RHOU: variants seen among roughly 807,000 people sequenced by gnomAD.
RHOU encodes rho-related GTP-binding protein RhoU.
In RHOU, 8 loss-of-function variants were observed where a neutral mutation model predicts 12.6. The ratio of observed to expected loss-of-function variants is 0.64; its 90% CI spans 0.37 to 1.15. The LOEUF is 1.15. Among genes scored for constraint, RHOU ranks in the 50% most tolerant of loss-of-function variants. RHOU has a pLI of 0.01. For missense variants in RHOU, 258 were observed against 347.0 expected, an observed-to-expected ratio of 0.74 and a Z score of 2.04; for synonymous variants, 161 against 147.4, an observed-to-expected ratio of 1.09 and a Z score of -0.67.
At chr1:228,709,802 C>T in the RHOU span, among the ~76,000 whole-genome samples, 1 of 151,938 alleles carries the variant, frequency 6.6e-6, no homozygotes, top group South Asian at 2.1e-4. Flanking sequence ...CAAGAAATAA[C>T]TAAGATCAGA....
At position 228,737,656 on chromosome 1, in the gene RHOU, T is replaced by C; in HGVS notation, c.263-17T>C. 6.2e-7 allele frequency: 1 copy of C among 1,613,826 alleles called. No homozygotes were observed. Among genetic ancestry groups the C allele is most frequent in the Non-Finnish European group, 8.5e-7 (1 of 1,179,724 alleles). On this transcript the variant is annotated splice_polypyrimidine_tract_variant and intron_variant, in intron 1 of 2. Coordinates refer to ENST00000366691, the MANE Select transcript of RHOU (RefSeq NM_021205.6). This position sits in a 1 kb window ranked among gnomAD's most constrained non-coding sequence, Gnocchi z 4.1. ...TAAAAGACACCTCCTGATTGTCATT[T>C]TGGTTTTGTTTTTAAGCGGTGGTGT...
the RHOU span, among the ~76,000 whole-genome samples, chr1:228,662,891 G>A: frequency 6.6e-6 from 1 of 151,806 alleles, no homozygotes; most frequent in African/African-American, 2.4e-5. Context: ...CACCCTCAAG[G>A]GTCTAAAGAA....
chr1:228,699,884 C>A, the RHOU span, among the ~76,000 whole-genome samples: 1 of 152,142 alleles, frequency 6.6e-6, no homozygotes, highest in Non-Finnish European at 1.5e-5. Flanking sequence ...TGAAATCTCT[C>A]TATAAATCTT....
At chr1:228,650,004 A>G in the RHOU span, 2 of 339,540 alleles carry the variant, frequency 5.9e-6, no homozygotes, top group Non-Finnish European at 1.1e-5. Context: ...ATTTTTAACC[A>G]TAATTATTCT....
the RHOU span, among the ~76,000 whole-genome samples, chr1:228,663,964 CCCCTCCCCTCCCCTT>C: frequency 8.2e-5 from 8 of 98,014 alleles, no homozygotes; most frequent in East Asian, 1.9e-3. Flanking sequence ...CTTCTCCCCT[CCCCTCCCCTCCCCTT>C]CCCTCCCCTC....
At chr1:228,699,640 TC>T in the RHOU span, among the ~76,000 whole-genome samples, 1 of 146,448 alleles carries the variant, frequency 6.8e-6, no homozygotes, top group South Asian at 2.1e-4. Flanking sequence ...ATCAAGGCAA[TC>T]CGGTCAATTA....
chr1:228,713,044 T>C, the RHOU span, among the ~76,000 whole-genome samples: 1 of 152,018 alleles, frequency 6.6e-6, no homozygotes, highest in African/African-American at 2.4e-5. Context: ...GTTGTGATAT[T>C]TTAAGGTACA....
upstream of RHOU, among the ~76,000 whole-genome samples, chr1:228,733,925 G>T (rs916954545): frequency 1.3e-5 from 2 of 152,214 alleles, no homozygotes; most frequent in African/African-American, 2.4e-5. Flanking sequence ...CTGACCCTGA[G>T]AGTAAGGGCC....
chr1:228,712,050 CAT>C, the RHOU span, among the ~76,000 whole-genome samples: 1 of 147,558 alleles, frequency 6.8e-6, no homozygotes, highest in Non-Finnish European at 1.5e-5. Flanking sequence ...CCAAAAAACA[CAT>C]GAAAAAATGC....
At chr1:228,663,615 C>CTTTTTTTTTTTTTTTTTTTTTT in the RHOU span, among the ~76,000 whole-genome samples, 1 of 86,716 alleles carries the variant, frequency 1.2e-5, no homozygotes, top group Non-Finnish European at 2.2e-5. Flanking sequence ...CTTTTCTTTT[C>CTTTTTTTTTTTTTTTTTTTTTT]TTTTCTTTTC....
chr1:228,680,013 G>A, the RHOU span, among the ~76,000 whole-genome samples: 3 of 152,318 alleles, frequency 2.0e-5, no homozygotes, highest in East Asian at 5.8e-4. Flanking sequence ...TGGCACCAGA[G>A]TTGGGGAGTT....
the RHOU span, among the ~76,000 whole-genome samples, chr1:228,669,055 G>A: frequency 1.3e-5 from 2 of 152,212 alleles, no homozygotes; most frequent in South Asian, 4.1e-4. Flanking sequence ...AGGGCACTAA[G>A]CAGGGCAATG....
the RHOU span, among the ~76,000 whole-genome samples, chr1:228,665,122 A>T: frequency 6.6e-6 from 1 of 152,232 alleles, no homozygotes; most frequent in East Asian, 1.9e-4. Context: ...CCTGGTTCAC[A>T]TATCAATTAA....
the RHOU span, among the ~76,000 whole-genome samples, chr1:228,660,625 A>G: frequency 1.3e-5 from 2 of 151,768 alleles, no homozygotes; most frequent in Non-Finnish European, 2.9e-5. Context: ...AAAGCCAAGC[A>G]GAAGCCTAAA....
At chr1:228,665,994 C>G in the RHOU span, among the ~76,000 whole-genome samples, 3 of 151,808 alleles carry the variant, frequency 2.0e-5, no homozygotes, top group Non-Finnish European at 4.4e-5. Flanking sequence ...GAACCTTGCT[C>G]TCACCAAGGC....
chr1:228,712,824 TAAATAAATA>T, the RHOU span, among the ~76,000 whole-genome samples: 197 of 128,398 alleles, frequency 1.5e-3, no homozygotes, highest in African/African-American at 6.4e-3. Flanking sequence ...AATAAATAAA[TAAATAAATA>T]AAATAAAATA....
At chr1:228,647,275 C>G in the RHOU span, among the ~76,000 whole-genome samples, 27,032 of 152,114 alleles carry the variant, frequency 0.18, 2,676 homozygotes, top group East Asian at 0.35. Flanking sequence ...TGGCACCTCA[C>G]TGTGCTCTTG....
At chr1:228,647,926 G>C in the RHOU span, 1 of 152,208 alleles carries the variant, frequency 6.6e-6, no homozygotes, top group African/African-American at 2.4e-5. Context: ...TGCGTCTCCT[G>C]GTTTTCTCAA....
chr1:228,651,026 T>C, the RHOU span: 1 of 287,296 alleles, frequency 3.5e-6, no homozygotes, highest in South Asian at 4.4e-5. Context: ...AGCTGGGTTC[T>C]CCTGTTCACC....
Sources: allele counts gnomAD v4.1 joint callset (sites outside exome capture counted in the v4.1 genomes callset), GRCh38; gene constraint gnomAD v4.1.1; non-coding constraint Gnocchi (gnomAD v3.1); transcripts MANE v1.5; gene names NCBI Gene and HGNC (gene_info 2026-07-23, HGNC 2026-07-21).